The following SLX4IP variants were observed in gnomAD, a reference collection of about 807,000 sequenced individuals.
The protein encoded by SLX4IP is protein SLX4IP.
In SLX4IP, 34 loss-of-function variants were observed where a neutral mutation model predicts 32.9. The observed-to-expected ratio is 1.03, with a 90% CI of 0.79 to 1.38. The LOEUF (loss-of-function observed/expected upper bound fraction) is 1.38. SLX4IP is among the 40% of genes most tolerant of loss of function. The probability of loss-of-function intolerance (pLI) is 0.00; values close to 1 mark genes in which losing one functional copy is unlikely to be tolerated. For missense variants in SLX4IP, 444 were observed against 479.0 expected (o/e 0.93, Z 0.68); for synonymous variants, 172 against 171.7 (o/e 1.00, Z -0.01).
At chr20:10,458,550 G>GT (rs1458200376) in intron 2 of SLX4IP, among the ~76,000 whole-genome samples, 6 of 151,864 alleles carry the variant, frequency 4.0e-5, no homozygotes, top group Admixed American at 3.9e-4. Flanking sequence ...AGTGTGTGCT[G>GT]TTTCCCCCCA....
chr20:10,529,028 G>T (rs1247424537), intron 2 of SLX4IP, among the ~76,000 whole-genome samples: 1 of 152,168 alleles, frequency 6.6e-6, no homozygotes, highest in Non-Finnish European at 1.5e-5. Context: ...ATACGTCAGT[G>T]AATTGTTCAG....
intron 6 of SLX4IP, among the ~76,000 whole-genome samples, chr20:10,619,217 CTT>C (rs59741153): frequency 7.9e-5 from 10 of 126,628 alleles, no homozygotes; most frequent in East Asian, 2.3e-4. Flanking sequence ...CTTTTTTTTT[CTT>C]TTTTTTTTTT....
rs539794068 is a variant in SLX4IP, at chr20:10,518,242, A to C, written c.28-37989A>C. On this transcript the variant is annotated intron_variant, in intron 2 of 7. Transcript: ENST00000334534. ...TAGGAAGATATACTTGCTAACTTTA[A>C]GAACACATTGATTAAACGGACATTG... Among the ~76,000 whole-genome samples the C allele has an allele frequency of 2.1e-3, 318 of 152,358 alleles. 3 individuals carry two copies. Among genetic ancestry groups the C allele is most frequent in the Non-Finnish European group, 2.5e-3 (167 of 68,028 alleles).
chr20:10,440,229 C>T (rs939635049), intron 1 of SLX4IP, among the ~76,000 whole-genome samples: 19 of 151,418 alleles, frequency 1.3e-4, no homozygotes, highest in African/African-American at 2.4e-4. Flanking sequence ...CCGAGGCTGG[C>T]GGATCACTTG....
intron 2 of SLX4IP, among the ~76,000 whole-genome samples, chr20:10,503,601 C>T (rs1393957397): frequency 3.9e-5 from 6 of 152,182 alleles, no homozygotes; most frequent in Non-Finnish European, 7.4e-5. Flanking sequence ...AAAATTTGCT[C>T]TTTGAGTTTG....
intron 2 of SLX4IP, among the ~76,000 whole-genome samples, chr20:10,467,387 T>G (rs1600900368): frequency 6.6e-6 from 1 of 150,790 alleles, no homozygotes; most frequent in Admixed American, 6.6e-5. Context: ...GGAAATAACT[T>G]TGGAGTGTGC....
chr20:10,517,317 A>T (rs889347990), intron 2 of SLX4IP, among the ~76,000 whole-genome samples: 1 of 152,156 alleles, frequency 6.6e-6, no homozygotes, highest in African/African-American at 2.4e-5. Flanking sequence ...AAATTCAGGG[A>T]CAGATGAGAG....
Position 10,458,301 on chromosome 20 carries a change from T to C in SLX4IP, c.27+70T>C. ...CTAATATAACTGAGCTCTGTGTTAATTGAAAATCGAGGTTCCTAACTTTCT... is the reference window on the plus strand; with the variant it reads ...CTAATATAACTGAGCTCTGTGTTAACTGAAAATCGAGGTTCCTAACTTTCT... On this transcript the variant is annotated intron_variant, in intron 2 of 7. Coordinates refer to ENST00000334534, the MANE Select transcript of SLX4IP (RefSeq NM_001009608.3). The C allele has an allele frequency of 3.5e-6, 5 of 1,427,378 alleles. 1 individual carries two copies. In the South Asian group the frequency reaches 5.4e-5, roughly 15 times the overall value. 88.4% of individuals were successfully genotyped at this position (1,427,378 alleles called of 1,614,324 possible).
At chr20:10,512,530 G>A (rs1186755700) in intron 2 of SLX4IP, among the ~76,000 whole-genome samples, 2 of 147,552 alleles carry the variant, frequency 1.4e-5, no homozygotes. Flanking sequence ...AAGTAGCTAG[G>A]ACTACAGCTG....
At chr20:10,514,454 G>A (rs2065833996) in intron 2 of SLX4IP, among the ~76,000 whole-genome samples, 1 of 152,200 alleles carries the variant, frequency 6.6e-6, no homozygotes, top group African/African-American at 2.4e-5. Flanking sequence ...GGCACCAAGT[G>A]CAAAAATCTG....
rs1461577603 is a variant in SLX4IP at position 10,624,574 on chromosome 20, TG to T, written c.*1196del. Reference sequence around the variant, plus strand: ...ATTCAATACATCTTTTTTTTTTTTCTGTTCAACATGGGGTGGTCCTTTGAAA... The same window carrying T: ...ATTCAATACATCTTTTTTTTTTTTCTTTCAACATGGGGTGGTCCTTTGAAA... On this transcript the variant is annotated 3_prime_UTR_variant, in exon 8 of 8. Transcript: ENST00000334534. 3 of 152,048 alleles carry T rather than the reference TG, an allele frequency of 2.0e-5. No individual in the cohort carries two copies. The highest frequency in any genetic ancestry group is 4.4e-5 in the Non-Finnish European group (3 of 67,998). The allele number at this position is 152,048 out of a possible 1,614,324, so 9.4% of individuals were successfully genotyped here. A position where few individuals can be genotyped will look rare whatever the true frequency, so the allele number is the denominator to read the frequency against.
At chr20:10,503,153 G>A (rs114743537) in intron 2 of SLX4IP, among the ~76,000 whole-genome samples, 1 of 152,116 alleles carries the variant, frequency 6.6e-6, no homozygotes, top group South Asian at 2.1e-4. Context: ...TATCAGCAGG[G>A]TTCACTCTGG....
At position 10,625,794 on chromosome 20, in the gene SLX4IP, C is replaced by T. The variant is rs2067165006; in HGVS notation, c.*2415C>T. 1 of 152,164 alleles carries T rather than the reference C, an allele frequency of 6.6e-6. No homozygotes were observed. The highest frequency in any genetic ancestry group is 1.5e-5 in the Non-Finnish European group (1 of 68,036). 9.4% of individuals were successfully genotyped at this position (152,164 alleles called of 1,614,324 possible). A position where few individuals can be genotyped will look rare whatever the true frequency, so the allele number is the denominator to read the frequency against. Reference sequence around the variant, plus strand: ...GAGGGAATGGCTCTCAGTTCCCACACTGTGACATGTGTTTGAGGAATTTTG... The same window carrying T: ...GAGGGAATGGCTCTCAGTTCCCACATTGTGACATGTGTTTGAGGAATTTTG... On this transcript the variant is annotated 3_prime_UTR_variant, in exon 8 of 8. Transcript: ENST00000334534.
intron 2 of SLX4IP, among the ~76,000 whole-genome samples, chr20:10,532,096 G>A (rs1352469789): frequency 6.6e-6 from 1 of 152,088 alleles, no homozygotes; most frequent in African/African-American, 2.4e-5. Flanking sequence ...CAGCTATCTC[G>A]TCATTGACTG....
chr20:10,614,225 A>G, intron 6 of SLX4IP: 1 of 640,510 alleles, frequency 1.6e-6, no homozygotes, highest in Non-Finnish European at 2.8e-6. Flanking sequence ...ATCAGAAGAA[A>G]CTCATGTACA....
chr20:10,454,355 T>C (rs1312298767), intron 1 of SLX4IP, among the ~76,000 whole-genome samples: 1 of 152,024 alleles, frequency 6.6e-6, no homozygotes, highest in African/African-American at 2.4e-5. Flanking sequence ...AATAGGGAGG[T>C]TTCAGTCTGC....
At chr20:10,613,837 C>T (rs1600157469) in intron 6 of SLX4IP, 1 of 1,605,780 alleles carries the variant, frequency 6.2e-7, no homozygotes, top group East Asian at 2.2e-5. Flanking sequence ...TTAATATCAG[C>T]CAGCTCTTCT....
chr20:10,595,944 T>C (rs150960680), intron 4 of SLX4IP, among the ~76,000 whole-genome samples: 1 of 152,338 alleles, frequency 6.6e-6, no homozygotes, highest in East Asian at 1.9e-4. Context: ...CAAGATGCTA[T>C]TTAGAAATGA....
At chr20:10,485,861 ACT>A (rs1024268360) in intron 2 of SLX4IP, among the ~76,000 whole-genome samples, 2 of 152,192 alleles carry the variant, frequency 1.3e-5, no homozygotes, top group Non-Finnish European at 2.9e-5. Context: ...TAATATAGTT[ACT>A]GTTTGTTAAA....
Sources: allele counts gnomAD v4.1 joint callset (sites outside exome capture counted in the v4.1 genomes callset), GRCh38; gene constraint gnomAD v4.1.1; transcripts MANE v1.5; gene names NCBI Gene and HGNC (gene_info 2026-07-23, HGNC 2026-07-21).